CDH23: variants seen among roughly 807,000 people sequenced by gnomAD.
CDH23 encodes cadherin related 23.
A neutral mutation model predicts 317.1 loss-of-function variants in CDH23; 189 were observed. That is an observed-to-expected ratio of 0.60 (90% confidence interval 0.53 to 0.67). CDH23 has a LOEUF of 0.67. Among genes scored for constraint, CDH23 ranks in the 30% least tolerant of loss-of-function variants. CDH23 has a pLI of 0.00. For missense variants in CDH23, 4,401 were observed against 4,592.4 expected, an observed-to-expected ratio of 0.96 and a Z score of 1.20; for synonymous variants, 1,839 against 1,876.8, an observed-to-expected ratio of 0.98 and a Z score of 0.52.
intron 1 of CDH23, among the ~76,000 whole-genome samples, chr10:71,436,123 A>T (rs1348535911): frequency 6.6e-6 from 1 of 152,222 alleles, no homozygotes; most frequent in East Asian, 1.9e-4. Flanking sequence ...TGTGGGGAGG[A>T]TGGAGGCAGA....
At chr10:71,715,934 C>G in intron 28 of CDH23, 1 of 1,459,744 alleles carries the variant, frequency 6.9e-7, no homozygotes, top group East Asian at 2.5e-5. Context: ...GTGGACACCC[C>G]ATTACATCTT....
rs760494194 is a variant in CDH23 at position 71,617,251 on chromosome 10, C to T, written c.992C>T (p.Thr331Ile). The T allele has an allele frequency of 8.7e-6, 14 of 1,614,018 alleles. No homozygotes were observed. The South Asian group carries it at 1.5e-4, about 18-fold the overall frequency. The change falls in exon 11 of 70, where the codon ACC becomes ATC. Residue 331 changes from threonine (T) to isoleucine (I), a missense_variant. Transcript: ENST00000224721. Reference sequence around the variant, plus strand: ...CGCACCCCATCTGACGCTACAGTCACCACGACCTTCAATATCCTGGTTATT... The same window carrying T: ...CGCACCCCATCTGACGCTACAGTCATCACGACCTTCAATATCCTGGTTATT... ...DDRTPSDATV[T>I]TTFNILVIDI...
chr10:71,806,361 C>G (rs1333182082), intron 57 of CDH23, 80 bp downstream of exon 57: 2 of 958,426 alleles, frequency 2.1e-6, no homozygotes, highest in African/African-American at 3.2e-5. Flanking sequence ...CCTATATACA[C>G]TGTGCCAGAA....
chr10:71,509,588 G>C (rs1332279700), intron 3 of CDH23, among the ~76,000 whole-genome samples: 1 of 152,214 alleles, frequency 6.6e-6, no homozygotes, highest in Non-Finnish European at 1.5e-5. Context: ...TTTCCCAGTA[G>C]TTCCAGCAAA....
chr10:71,485,028 T>C (rs1053310318), intron 3 of CDH23, among the ~76,000 whole-genome samples: 29 of 148,268 alleles, frequency 2.0e-4, no homozygotes, highest in South Asian at 6.5e-4. Flanking sequence ...TTTTTCTTTT[T>C]TTTTTTTTTT....
chr10:71,712,670 G>A lies in CDH23; in HGVS notation c.3226G>A (p.Gly1076Ser), dbSNP rs1368702540. Residue 1076 changes from glycine (G) to serine (S), a missense_variant, in exon 28 of 70, where the codon GGC becomes AGC. This residue lies in a region of CDH23 where 3,068 missense variants were observed against 3,203.3 expected (regional missense o/e 0.96). Transcript: ENST00000224721. ...TCTTCCTTCAACTCCCACAGACAAC[G>A]GCCCTGTAGGGAAGCGACACACGGG... ...YMLILEAIDN[G>S]PVGKRHTGTA... The A allele has an allele frequency of 5.0e-6, 8 of 1,613,362 alleles. No homozygotes were observed. The highest frequency in any genetic ancestry group is 1.1e-5 in the South Asian group (1 of 91,080).
rs140827868 is a variant in CDH23 at position 71,637,663 on chromosome 10, T to C, written c.1135-6198T>C. Reference sequence around the variant, plus strand: ...GGGGCTCTTCCCTGGCAGACCCGAGTTGGGGACAGGGTTGGTTTTGGTGAG... The same window carrying C: ...GGGGCTCTTCCCTGGCAGACCCGAGCTGGGGACAGGGTTGGTTTTGGTGAG... On this transcript the variant is annotated intron_variant, in intron 11 of 69. Coordinates refer to ENST00000224721, the MANE Select transcript of CDH23 (RefSeq NM_022124.6). 6.5e-3 allele frequency among the ~76,000 whole-genome samples: 992 copies of C among 152,176 alleles called. 5 individuals are homozygous for C. Among genetic ancestry groups the C allele is most frequent in the African/African-American group, 0.022 (925 of 41,514 alleles).
Position 71,811,253 on chromosome 10 carries a change from CAG to C in CDH23, c.9078-60_9078-59del, listed in dbSNP as rs1841912204. 5 of 1,611,848 alleles carry C rather than the reference CAG, an allele frequency of 3.1e-6. No homozygotes were observed. In the Admixed American group the frequency reaches 5.0e-5, roughly 16 times the overall value. ...TTGGAGGCTTGAGGCAGGAGCAGAGCAGACTGTCGGTGGTGGGGGAATGGCTG... is the reference window on the plus strand; with the variant it reads ...TTGGAGGCTTGAGGCAGGAGCAGAGCACTGTCGGTGGTGGGGGAATGGCTG... On this transcript the variant is annotated intron_variant, in intron 62 of 69. Transcript: ENST00000224721.
chr10:71,651,094 G>A (rs887154297), intron 14 of CDH23, among the ~76,000 whole-genome samples: 2 of 152,214 alleles, frequency 1.3e-5, no homozygotes, highest in Non-Finnish European at 2.9e-5. Flanking sequence ...TTCACACTGA[G>A]TATTACTTGC....
At chr10:71,462,968 C>G (rs1851078483) in intron 3 of CDH23, among the ~76,000 whole-genome samples, 1 of 152,216 alleles carries the variant, frequency 6.6e-6, no homozygotes, top group African/African-American at 2.4e-5. Flanking sequence ...CTTCATTGGC[C>G]TAAAGGCCAA....
At chr10:71,444,097 C>T (rs1453629670) in intron 2 of CDH23, among the ~76,000 whole-genome samples, 1 of 152,244 alleles carries the variant, frequency 6.6e-6, no homozygotes, top group Admixed American at 6.5e-5. Context: ...TGGGCTGCGT[C>T]CTGCTCTCCT....
At chr10:71,425,371 A>AGAAGGAAGGAAGGAAGGGAG (rs1849022652) in intron 1 of CDH23, among the ~76,000 whole-genome samples, 1 of 82,418 alleles carries the variant, frequency 1.2e-5, no homozygotes, top group African/African-American at 4.7e-5. Flanking sequence ...AAGAGAGAGG[A>AGAAGGAAGGAAGGAAGGGAG]GAAGGAAGGA....
In CDH23 at chr10:71,778,300, A is replaced by G. The variant is rs762005355; in HGVS notation, c.5179A>G (p.Thr1727Ala). The change falls in exon 40 of 70, where the codon ACC becomes GCC. Residue 1727 changes from threonine to alanine, a missense_variant. By Grantham distance (58) the Thr-to-Ala change is moderately conservative. Coordinates refer to ENST00000224721, the MANE Select transcript of CDH23 (RefSeq NM_022124.6). Reference sequence around the variant, plus strand: ...CATCTTATCCCACCGCCTCACCTCTACCACCACGGTGGGTGCATGGGACAC... The same window carrying G: ...CATCTTATCCCACCGCCTCACCTCTGCCACCACGGTGGGTGCATGGGACAC... Reference protein sequence around the residue: ...CPILSHRLTSTTTVLVNVNDI... With the variant: ...CPILSHRLTSATTVLVNVNDI... The G allele has an allele frequency of 7.4e-6, 12 of 1,613,572 alleles. No individual in the cohort carries two copies. The highest frequency in any genetic ancestry group is 1.7e-5 in the Admixed American group (1 of 59,972).
intron 1 of CDH23, among the ~76,000 whole-genome samples, chr10:71,419,859 G>A (rs1340363): frequency 0.3 from 46,183 of 151,936 alleles, 7,203 homozygotes; most frequent in Middle Eastern, 0.45. Context: ...AGCTGTTTAG[G>A]GGAGAGTGGG....
chr10:71,629,678 A>G (rs1048683394), intron 11 of CDH23, among the ~76,000 whole-genome samples: 5 of 152,236 alleles, frequency 3.3e-5, no homozygotes, highest in Non-Finnish European at 7.3e-5. Flanking sequence ...GCAGGAGTGA[A>G]TGAAGCACTG....
chr10:71,728,616 T>G (rs1458701914), intron 30 of CDH23, among the ~76,000 whole-genome samples: 1 of 152,196 alleles, frequency 6.6e-6, no homozygotes. Context: ...CCCTTAGTGC[T>G]GGTCACCACA....
chr10:71,591,037 G>A (rs1040280597), intron 9 of CDH23, among the ~76,000 whole-genome samples: 2 of 152,080 alleles, frequency 1.3e-5, no homozygotes, highest in Non-Finnish European at 2.9e-5. Context: ...AATGGAAACT[G>A]AAAATGTAAA....
At chr10:71,575,622 GAAGCCCTTGGCAGGTCGC>G (rs1412569597) in intron 8 of CDH23, among the ~76,000 whole-genome samples, 1 of 152,204 alleles carries the variant, frequency 6.6e-6, no homozygotes, top group East Asian at 1.9e-4. Context: ...GTGCAGGGCA[GAAGCCCTTGGCAGGTCGC>G]ACCCTGGCGC....
At chr10:71,601,625 C>T (rs1860222778) in intron 9 of CDH23, among the ~76,000 whole-genome samples, 1 of 152,172 alleles carries the variant, frequency 6.6e-6, no homozygotes, top group Non-Finnish European at 1.5e-5. Flanking sequence ...TGAACCCCAT[C>T]CCTCAGGGCC....
Sources: allele counts gnomAD v4.1 joint callset (sites outside exome capture counted in the v4.1 genomes callset), GRCh38; gene constraint gnomAD v4.1.1; regional missense constraint gnomAD v4.1.1; transcripts MANE v1.5; gene names NCBI Gene and HGNC (gene_info 2026-07-23, HGNC 2026-07-21).